PACS1: variants seen among roughly 807,000 people sequenced by gnomAD.
PACS1 encodes the protein PACS-1.
A neutral mutation model predicts 115.0 loss-of-function variants in PACS1; 24 were observed. The observed-to-expected ratio is 0.21, with a 90% CI of 0.15 to 0.29. PACS1 has a LOEUF of 0.29. PACS1 is among the 10% of genes least tolerant of loss of function. PACS1 has a pLI of 1.00. For synonymous variants in PACS1, 453 were observed against 504.5 expected (o/e 0.90, Z 1.37); for missense variants, 838 against 1,251.2 (o/e 0.67, Z 4.98).
At chr11:66,137,570 G>A (rs774859308) in intron 1 of PACS1, among the ~76,000 whole-genome samples, 4 of 152,062 alleles carry the variant, frequency 2.6e-5, no homozygotes, top group African/African-American at 7.2e-5. Context: ...GCATCCAGCC[G>A]GTCAGGATGG....
intron 1 of PACS1, among the ~76,000 whole-genome samples, chr11:66,089,258 C>A (rs1294894617): frequency 6.6e-6 from 1 of 152,148 alleles, no homozygotes; most frequent in Non-Finnish European, 1.5e-5. Flanking sequence ...AGAGACATTA[C>A]CACCACCATC....
At chr11:66,187,745 T>C (rs560483746) in intron 1 of PACS1, among the ~76,000 whole-genome samples, 1 of 152,364 alleles carries the variant, frequency 6.6e-6, no homozygotes, top group South Asian at 2.1e-4. Context: ...TCTTGGCTAT[T>C]GTGAACGGTG....
intron 1 of PACS1, among the ~76,000 whole-genome samples, chr11:66,092,604 A>G (rs985881511): frequency 2.3e-4 from 35 of 152,194 alleles, no homozygotes; most frequent in African/African-American, 8.2e-4. Flanking sequence ...GCCCATGCCT[A>G]TGTCCTGAAT....
chr11:66,234,276 C>T, intron 17 of PACS1, 34 bp downstream of exon 17: 1 of 1,469,784 alleles, frequency 6.8e-7, no homozygotes, highest in Non-Finnish European at 9.5e-7. Flanking sequence ...TACTCCCACC[C>T]CCGGGGTCCA....
chr11:66,088,780 C>G (rs1857613047), intron 1 of PACS1, among the ~76,000 whole-genome samples: 1 of 152,166 alleles, frequency 6.6e-6, no homozygotes, highest in South Asian at 2.1e-4. Context: ...TCCTTAAAAA[C>G]TTCTCTTGGG....
chr11:66,226,899 A>G (rs1376095418), intron 10 of PACS1, among the ~76,000 whole-genome samples: 4 of 152,242 alleles, frequency 2.6e-5, no homozygotes, highest in Admixed American at 6.5e-5. Context: ...TTATGTGTCT[A>G]TATTTGCAAA....
At chr11:66,188,844 CCTTAGTGTT>C (rs1481977926) in intron 1 of PACS1, among the ~76,000 whole-genome samples, 5 of 152,098 alleles carry the variant, frequency 3.3e-5, no homozygotes, top group African/African-American at 1.2e-4. Context: ...TATCTTACTT[CCTTAGTGTT>C]CTCTGTTATA....
At chr11:66,214,517 T>TCTTTCCTTTCCTTC (rs1855152029) in intron 4 of PACS1, among the ~76,000 whole-genome samples, 1 of 151,764 alleles carries the variant, frequency 6.6e-6, no homozygotes, top group African/African-American at 2.4e-5. Context: ...TTTCTTCCTT[T>TCTTTCCTTTCCTTC]CTTTCCTTTC....
chr11:66,155,109 A>T (rs1222827846), intron 1 of PACS1, among the ~76,000 whole-genome samples: 1 of 152,224 alleles, frequency 6.6e-6, no homozygotes, highest in Non-Finnish European at 1.5e-5. Context: ...ATTAACCCAT[A>T]CCTTATACAC....
At chr11:66,232,076 C>T in intron 13 of PACS1, 96 bp from the exon 14 acceptor site, 1 of 741,280 alleles carries the variant, frequency 1.3e-6, no homozygotes, top group Admixed American at 2.1e-5. Context: ...CTCTAACACC[C>T]CTGCTCCAGA....
intron 2 of PACS1, among the ~76,000 whole-genome samples, chr11:66,206,968 G>A (rs1854954765): frequency 6.6e-6 from 1 of 152,128 alleles, no homozygotes; most frequent in African/African-American, 2.4e-5. Context: ...AAAAGTAGAC[G>A]AAGTAGTTTA....
At chr11:66,075,432 G>A (rs1857377786) in intron 1 of PACS1, among the ~76,000 whole-genome samples, 1 of 151,982 alleles carries the variant, frequency 6.6e-6, no homozygotes. Context: ...TGTAGAGATG[G>A]GGTCTTGCTG....
rs1855647471 is a variant in PACS1, at chr11:66,233,710, A to G, written c.1839-75A>G. 6.9e-7 allele frequency: 1 copy of G among 1,444,010 alleles called. No homozygotes were observed. The highest frequency in any genetic ancestry group is 1.3e-5 in the South Asian group (1 of 74,526). The allele number at this position is 1,444,010 out of a possible 1,614,324, so 89.4% of individuals were successfully genotyped here. ...CCTGTGGGTTGTTGAGATCACAGAAAGTCAGCTCTGGGCCTCCCCCGGGCA... is the reference window on the plus strand; with the variant it reads ...CCTGTGGGTTGTTGAGATCACAGAAGGTCAGCTCTGGGCCTCCCCCGGGCA... On this transcript the variant is annotated intron_variant, in intron 15 of 23. Coordinates refer to ENST00000320580, the MANE Select transcript of PACS1 (RefSeq NM_018026.4). This position sits in a 1 kb window ranked among gnomAD's most constrained non-coding sequence, Gnocchi z 4.5.
intron 2 of PACS1, among the ~76,000 whole-genome samples, chr11:66,207,800 C>T (rs759732238): frequency 2.0e-5 from 3 of 152,010 alleles, no homozygotes; most frequent in Admixed American, 6.6e-5. Flanking sequence ...GACGGAGTCT[C>T]GCTCTGTTGC....
intron 1 of PACS1, among the ~76,000 whole-genome samples, chr11:66,162,532 T>A (rs1859515420): frequency 6.6e-6 from 1 of 152,204 alleles, no homozygotes; most frequent in Non-Finnish European, 1.5e-5. Context: ...ATGCCCAGGA[T>A]TCCCAGCAGC....
At chr11:66,133,176 G>A (rs72934674) in intron 1 of PACS1, among the ~76,000 whole-genome samples, 26,080 of 151,720 alleles carry the variant, frequency 0.17, 2,783 homozygotes, top group Admixed American at 0.3. Context: ...GGCACTTTAT[G>A]GCCTCCTGCT....
At chr11:66,158,042 C>T (rs1367021064) in intron 1 of PACS1, among the ~76,000 whole-genome samples, 1 of 152,216 alleles carries the variant, frequency 6.6e-6, no homozygotes, top group African/African-American at 2.4e-5. Flanking sequence ...TCTTGGCTCA[C>T]TGCAGCCTCC....
Position 66,070,383 on chromosome 11 carries a change from G to C in PACS1, c.-104G>C. The C allele has an allele frequency of 1.6e-6, 1 of 623,588 alleles. No individual in the cohort carries two copies. Among genetic ancestry groups the C allele is most frequent in the South Asian group, 7.6e-5 (1 of 13,170 alleles). 38.6% of individuals were successfully genotyped at this position (623,588 alleles called of 1,614,324 possible). On this transcript the variant is annotated 5_prime_UTR_variant, in exon 1 of 24. Coordinates refer to ENST00000320580, the MANE Select transcript of PACS1 (RefSeq NM_018026.4). The surrounding 1 kb of genome is among the most constrained non-coding windows in gnomAD (Gnocchi z 5.9). The stretch of plus-strand genomic sequence containing the variant: ...TCGCTGGCTGCTCGCGCTCGGGCAG[G>C]CGGGCTGAGGAGGCTGCCGCGCCCC...
chr11:66,226,196 T>C (rs1855467744), intron 10 of PACS1, among the ~76,000 whole-genome samples: 1 of 152,058 alleles, frequency 6.6e-6, no homozygotes, highest in South Asian at 2.1e-4. Flanking sequence ...AACAACAACA[T>C]TGGCTGATCA....
Sources: gnomAD v4.1 joint callset for allele counts (sites outside exome capture counted in the v4.1 genomes callset) on GRCh38, gnomAD v4.1.1 for gene constraint, Gnocchi (gnomAD v3.1) non-coding constraint, MANE v1.5 for transcripts, NCBI Gene and HGNC (gene_info 2026-07-23, HGNC 2026-07-21) for gene names.